The following PDZD2 variants were observed in gnomAD, a reference collection of about 807,000 sequenced individuals.
The protein encoded by PDZD2 is PDZ domain containing 2, also known as PDZ domain-containing protein 2.
PDZD2 carries 90 observed loss-of-function variants against 220.7 expected under a neutral mutation model. The ratio of observed to expected loss-of-function variants is 0.41; its 90% confidence interval spans 0.34 to 0.49. The LOEUF (loss-of-function observed/expected upper bound fraction) is 0.49, where lower values mean the gene tolerates loss of function less well. Among genes scored for constraint, PDZD2 ranks in the 20% least tolerant of loss-of-function variants. The probability of loss-of-function intolerance (pLI) is 0.28; values close to 1 mark genes in which losing one functional copy is unlikely to be tolerated. For missense variants in PDZD2, 3,174 were observed against 3,608.5 expected (o/e 0.88, Z 3.08); for synonymous variants, 1,375 against 1,450.5 (o/e 0.95, Z 1.18).
intron 2 of PDZD2, among the ~76,000 whole-genome samples, chr5:31,916,366 T>C (rs1029959785): frequency 3.3e-5 from 5 of 152,096 alleles, no homozygotes; most frequent in African/African-American, 9.7e-5. Flanking sequence ...CAGGGGAGGG[T>C]GCCCTTGCGT....
chr5:31,799,193 G>C lies in PDZD2; in HGVS notation c.-56G>C. On this transcript the variant is annotated 5_prime_UTR_variant, in exon 2 of 25. Coordinates refer to ENST00000438447, the MANE Select transcript of PDZD2 (RefSeq NM_178140.4). ...CCCCAGGGGACGTGGGGCCCTGTGG[G>C]GTCTGGCCCCCAGGAGCAAGACCTC... 2 of 1,246,680 alleles carry C rather than the reference G, an allele frequency of 1.6e-6. No homozygotes were observed. Among genetic ancestry groups the C allele is most frequent in the South Asian group, 2.8e-5 (2 of 70,836 alleles). The allele number at this position is 1,246,680 out of a possible 1,614,324, so 77.2% of individuals were successfully genotyped here.
At position 31,750,281 on chromosome 5, in the gene PDZD2, T is replaced by C. The variant is rs140328144; in HGVS notation, c.-360-48608T>C. Among the ~76,000 whole-genome samples the C allele has an allele frequency of 6.6e-3, 1,000 of 152,272 alleles. 19 individuals are homozygous for C. Among genetic ancestry groups the C allele is most frequent in the East Asian group, 0.045 (235 of 5,184 alleles). ...CCAGTGGCCTTTGGAGCCCATTGTG[T>C]CCCCCAGCTCCCTCTTGCCTGCTTC... On this transcript the variant is annotated intron_variant, in intron 1 of 24. Coordinates refer to ENST00000438447, the MANE Select transcript of PDZD2 (RefSeq NM_178140.4).
At chr5:31,758,486 T>C (rs1020998894) in intron 1 of PDZD2, among the ~76,000 whole-genome samples, 3 of 152,052 alleles carry the variant, frequency 2.0e-5, no homozygotes, top group Non-Finnish European at 4.4e-5. Context: ...GCACATGTGG[T>C]GTGGGCGCAG....
intron 5 of PDZD2, among the ~76,000 whole-genome samples, chr5:32,007,230 C>T (rs1026314208): frequency 1.3e-5 from 2 of 151,512 alleles, no homozygotes; most frequent in African/African-American, 4.8e-5. Flanking sequence ...CCATGCTGGT[C>T]TTAACCTCTT....
At chr5:31,829,704 C>T (rs929346994) in intron 2 of PDZD2, among the ~76,000 whole-genome samples, 3 of 152,104 alleles carry the variant, frequency 2.0e-5, no homozygotes, top group Non-Finnish European at 4.4e-5. Context: ...TTACCTCTTA[C>T]CAGTTACTAA....
intron 2 of PDZD2, among the ~76,000 whole-genome samples, chr5:31,887,970 C>T (rs1740670315): frequency 6.6e-6 from 1 of 151,970 alleles, no homozygotes; most frequent in Non-Finnish European, 1.5e-5. Context: ...TGTTAACTTC[C>T]AACATACGAT....
In PDZD2 at chr5:31,639,373, G is replaced by T. The variant is rs1333138300; in HGVS notation, c.-425G>T. On this transcript the variant is annotated 5_prime_UTR_variant, in exon 1 of 25. Coordinates refer to ENST00000438447, the MANE Select transcript of PDZD2 (RefSeq NM_178140.4). This position sits in a 1 kb window ranked among gnomAD's most constrained non-coding sequence, Gnocchi z 4.1. ...GGTGGCGGCAGCTGCGCGGGGACCC[G>T]CCGGGCGGCGCCTGGGTCTGGACGC... is the stretch of plus-strand genomic sequence containing the variant. 1 of 150,638 alleles carries T rather than the reference G, an allele frequency of 6.6e-6. No homozygotes were observed. The highest frequency in any genetic ancestry group is 2.4e-5 in the African/African-American group (1 of 41,276). The allele number at this position is 150,638 out of a possible 1,614,324, so 9.3% of individuals were successfully genotyped here.
chr5:32,001,977 A>G (rs1359008997), intron 5 of PDZD2, among the ~76,000 whole-genome samples: 1 of 152,224 alleles, frequency 6.6e-6, no homozygotes, highest in African/African-American at 2.4e-5. Flanking sequence ...CCTGTGCAGC[A>G]TGACGCTCTT....
chr5:31,972,629 A>G (rs1316299111), intron 2 of PDZD2, among the ~76,000 whole-genome samples: 1 of 152,212 alleles, frequency 6.6e-6, no homozygotes. Flanking sequence ...ATAATGAGTG[A>G]GTGAATTTGT....
chr5:31,939,941 T>A (rs1331214903), intron 2 of PDZD2, among the ~76,000 whole-genome samples: 1 of 152,240 alleles, frequency 6.6e-6, no homozygotes, highest in Non-Finnish European at 1.5e-5. Context: ...GATTCTGAAT[T>A]CAAGAAAACT....
chr5:31,825,722 A>G (rs73060338), intron 2 of PDZD2, among the ~76,000 whole-genome samples: 1,644 of 152,262 alleles, frequency 0.011, 32 homozygotes, highest in African/African-American at 0.038. Context: ...GGTAGTGAGC[A>G]CTACACCAGC....
At chr5:32,037,845 A>ATT (rs11387630) in intron 7 of PDZD2, among the ~76,000 whole-genome samples, 3,609 of 146,514 alleles carry the variant, frequency 0.025, 152 homozygotes, top group African/African-American at 0.085. Context: ...TATGAAAGGC[A>ATT]TTTTTTTTTT....
At chr5:31,793,561 C>T (rs534949248) in intron 1 of PDZD2, among the ~76,000 whole-genome samples, 5 of 152,276 alleles carry the variant, frequency 3.3e-5, no homozygotes, top group Middle Eastern at 3.4e-3. Context: ...AATCCCAGCA[C>T]TTTGGGAGGC....
chr5:31,711,666 TCA>T (rs1398764036), intron 1 of PDZD2, among the ~76,000 whole-genome samples: 3 of 152,144 alleles, frequency 2.0e-5, no homozygotes, highest in African/African-American at 2.4e-5. Flanking sequence ...TCGACAAGCC[TCA>T]GTTTCCTCAT....
intron 2 of PDZD2, chr5:31,909,022 C>T (rs992722224): frequency 4.1e-6 from 1 of 242,506 alleles, no homozygotes; most frequent in Non-Finnish European, 8.0e-6. Flanking sequence ...GCCTGGGTAA[C>T]AGAGCAAGAC....
chr5:32,092,890 A>G lies in PDZD2; in HGVS notation c.7728-17A>G, dbSNP rs916687000. On this transcript the variant is annotated splice_polypyrimidine_tract_variant and intron_variant, in intron 20 of 24. Transcript: ENST00000438447. ...CTTTTTTCTTTAATGTTCTTCAAAT[A>G]TATTTATATTATTTAGTTTGGATCA... 1.6e-6 allele frequency: 2 copies of G among 1,242,028 alleles called. No individual in the cohort carries two copies. The highest frequency in any genetic ancestry group is 1.9e-4 in the Middle Eastern group (1 of 5,200). The allele number at this position is 1,242,028 out of a possible 1,614,324, so 76.9% of individuals were successfully genotyped here.
At chr5:31,836,995 G>A (rs2150278045) in intron 2 of PDZD2, among the ~76,000 whole-genome samples, 1 of 150,566 alleles carries the variant, frequency 6.6e-6, no homozygotes, top group South Asian at 2.1e-4. Flanking sequence ...TCCAGCCTGG[G>A]CAACTGAGCG....
rs1471736746 is a variant in PDZD2 at position 31,822,680 on chromosome 5, G to A, written c.476+22956G>A. 6.1e-6 allele frequency: 8 copies of A among 1,315,804 alleles called. No individual in the cohort carries two copies. The Admixed American group carries it at 1.5e-4, about 24-fold the overall frequency. The allele number at this position is 1,315,804 out of a possible 1,614,324, so 81.5% of individuals were successfully genotyped here. A position where few individuals can be genotyped will look rare whatever the true frequency, so the allele number is the denominator to read the frequency against. On this transcript the variant is annotated intron_variant, in intron 2 of 24. Transcript: ENST00000438447. ...ATCAAAGCCACTGAATTTGAAACAA[G>A]CTCAATGTCATTTCCTTCAAGGATT...
At chr5:31,874,130 A>G (rs1015639330) in intron 2 of PDZD2, among the ~76,000 whole-genome samples, 6 of 151,958 alleles carry the variant, frequency 3.9e-5, no homozygotes, top group Non-Finnish European at 8.8e-5. Flanking sequence ...GCTTCAAGAA[A>G]CCTCAATCTT....
Sources: gnomAD v4.1 joint callset for allele counts (sites outside exome capture counted in the v4.1 genomes callset) on GRCh38, gnomAD v4.1.1 for gene constraint, Gnocchi (gnomAD v3.1) non-coding constraint, MANE v1.5 for transcripts, NCBI Gene and HGNC (gene_info 2026-07-23, HGNC 2026-07-21) for gene names.